CDK5RAP1: variants seen among roughly 807,000 people sequenced by gnomAD.
CDK5RAP1 encodes the protein mitochondrial tRNA methylthiotransferase CDK5RAP1.
In CDK5RAP1, 62 loss-of-function variants were observed where a neutral mutation model predicts 64.5. The observed-to-expected ratio is 0.96, with a 90% CI of 0.78 to 1.19. The LOEUF (loss-of-function observed/expected upper bound fraction) is 1.19. CDK5RAP1 is among the 50% of genes most tolerant of loss of function. CDK5RAP1 has a pLI of 0.00. For missense variants in CDK5RAP1, 657 were observed against 735.0 expected (o/e 0.89, Z 1.23); for synonymous variants, 250 against 261.9 (o/e 0.95, Z 0.44).
chr20:33,360,772 C>A (rs1228425983), intron 12 of CDK5RAP1, among the ~76,000 whole-genome samples: 1 of 152,254 alleles, frequency 6.6e-6, no homozygotes, highest in African/African-American at 2.4e-5. Flanking sequence ...GGACCTCCAA[C>A]AGGCCTAAAG....
rs528127110 is a variant in CDK5RAP1 at position 33,367,003 on chromosome 20, T to C, written c.1398A>G (p.Thr466=). ...FLFAYSMRQK[T]RAYHRLKDDV... is the part of the protein sequence containing the mutation. ...CATCCTTCAGCCTATGATATGCCCG[T>C]GTCTTCTATTAAAAAAAAAAAAAAG... is the stretch of plus-strand genomic sequence containing the variant. The change falls in exon 12 of 14, where the codon ACA becomes ACG. Residue 466 remains threonine, a synonymous_variant. Transcript: ENST00000346416. 4 of 1,594,408 alleles carry C rather than the reference T, an allele frequency of 2.5e-6. No homozygotes were observed. In the South Asian group the frequency reaches 3.4e-5, roughly 14 times the overall value.
In CDK5RAP1 at chr20:33,366,858, C is replaced by T. The variant is rs775988658; in HGVS notation, c.1542+1G>A. 1.2e-6 allele frequency: 2 copies of T among 1,611,796 alleles called. No individual in the cohort carries two copies. The highest frequency in any genetic ancestry group is 2.2e-5 in the South Asian group (2 of 90,556). On this transcript the variant is annotated splice_donor_variant, in intron 12 of 13. Transcript: ENST00000346416. LOFTEE classifies it high-confidence loss of function. ...CATAACACACACACATATGGCCTCACCCCTTCCACTAGCACCAACTGGGTA... is the reference window on the plus strand; with the variant it reads ...CATAACACACACACATATGGCCTCATCCCTTCCACTAGCACCAACTGGGTA...
At chr20:33,368,637 C>A (rs141138451) in intron 11 of CDK5RAP1, among the ~76,000 whole-genome samples, 164 of 152,026 alleles carry the variant, frequency 1.1e-3, no homozygotes, top group African/African-American at 3.7e-3. Context: ...CTTTGGGAGG[C>A]CAAGGTGGTG....
rs1469343661 is a variant in CDK5RAP1, at chr20:33,392,135, C to T, written c.544+7G>A. 6.4e-7 allele frequency: 1 copy of T among 1,570,230 alleles called. No individual in the cohort carries two copies. ...AAAGCTGACAAAATGTGCAAATTAC[C>T]AGATACCTAGAATTCCAATCCTCAG... On this transcript the variant is annotated splice_region_variant and intron_variant, in intron 5 of 13. Coordinates refer to ENST00000346416, the MANE Select transcript of CDK5RAP1 (RefSeq NM_016408.4).
At chr20:33,377,196 C>T (rs943636494) in intron 8 of CDK5RAP1, among the ~76,000 whole-genome samples, 3 of 152,206 alleles carry the variant, frequency 2.0e-5, no homozygotes, top group Admixed American at 2.0e-4. Context: ...AAACAAGAGA[C>T]AGAGTCAGCC....
intron 1 of CDK5RAP1, among the ~76,000 whole-genome samples, chr20:33,401,158 C>T (rs1274783849): frequency 1.3e-5 from 2 of 152,190 alleles, no homozygotes; most frequent in Non-Finnish European, 2.9e-5. Flanking sequence ...TCATAGCAAC[C>T]CTGTGAGGCA....
At chr20:33,370,002 A>C (rs1315049220) in intron 11 of CDK5RAP1, among the ~76,000 whole-genome samples, 1 of 152,086 alleles carries the variant, frequency 6.6e-6, no homozygotes, top group Non-Finnish European at 1.5e-5. Context: ...AAAGTGCACT[A>C]ATCTCTCCTT....
At chr20:33,359,814 G>A (rs991197898) in intron 13 of CDK5RAP1, 1 of 156,482 alleles carries the variant, frequency 6.4e-6, no homozygotes, top group African/African-American at 2.4e-5. Context: ...TGGGCAGTGT[G>A]AGAAGAGAAG....
rs563845080 is a variant in CDK5RAP1 at position 33,363,877 on chromosome 20, A to G, written c.1542+2982T>C. 2.6e-5 allele frequency among the ~76,000 whole-genome samples: 4 copies of G among 152,286 alleles called. No homozygotes were observed. The South Asian group carries it at 8.3e-4, about 32-fold the overall frequency. ...TTACACCACCACACTCCAGCCAGGG[A>G]GACAGAACGAGAGACTTTGTCTCAA... is the stretch of plus-strand genomic sequence containing the variant. On this transcript the variant is annotated intron_variant, in intron 12 of 13. Coordinates refer to ENST00000346416, the MANE Select transcript of CDK5RAP1 (RefSeq NM_016408.4).
In CDK5RAP1 at chr20:33,370,490, A is replaced by G. The variant is rs1311620716; in HGVS notation, c.1392+9T>C. 1.2e-6 allele frequency: 2 copies of G among 1,613,788 alleles called. No homozygotes were observed. Among genetic ancestry groups the G allele is most frequent in the Admixed American group, 3.3e-5 (2 of 59,982 alleles). The stretch of plus-strand genomic sequence containing the variant: ...AATGATGTCAGTCCTCCCCAACCCC[A>G]GGGCTCACCTGTCTCATGCTGTAGG... On this transcript the variant is annotated intron_variant, in intron 11 of 13. Transcript: ENST00000346416.
Position 33,397,259 on chromosome 20 carries a change from G to T in CDK5RAP1, c.-20-175C>A, listed in dbSNP as rs888334706. On this transcript the variant is annotated intron_variant, in intron 1 of 13. Coordinates refer to ENST00000346416, the MANE Select transcript of CDK5RAP1 (RefSeq NM_016408.4). ...AAAAAAACTGAGGCAACTTGCCCAA[G>T]ACCACACAAAGGAGTGCCAGAGATG... is the stretch of plus-strand genomic sequence containing the variant. 2.6e-5 allele frequency among the ~76,000 whole-genome samples: 4 copies of T among 152,154 alleles called. No homozygotes were observed. The East Asian group carries it at 7.7e-4, about 29-fold the overall frequency.
At chr20:33,374,045 C>T in intron 9 of CDK5RAP1, 70 bp downstream of exon 9, 1 of 1,064,784 alleles carries the variant, frequency 9.4e-7, no homozygotes, top group Admixed American at 1.7e-5. Flanking sequence ...TTCTTGGCAA[C>T]AAGGACACTG....
In CDK5RAP1 at chr20:33,397,009, A is replaced by G. The variant is rs1369418235; in HGVS notation, c.56T>C (p.Leu19Ser). ...QVQRSLGWGP[L>S]ASVSWLSLRM... ...CAGCGACAGCCAAGACACAGAGGCCAATGGTCCCCACCCCAGAGACCTCTG... is the reference window on the plus strand; with the variant it reads ...CAGCGACAGCCAAGACACAGAGGCCGATGGTCCCCACCCCAGAGACCTCTG... Residue 19 changes from leucine (L) to serine (S), a missense_variant, in exon 2 of 14, where the codon TTG becomes TCG. Transcript: ENST00000346416. 6.2e-7 allele frequency: 1 copy of G among 1,614,048 alleles called. No homozygotes were observed. Among genetic ancestry groups the G allele is most frequent in the East Asian group, 2.2e-5 (1 of 44,906 alleles).
Position 33,359,146 on chromosome 20 carries a change from A to G in CDK5RAP1, c.1684-23T>C, listed in dbSNP as rs1366249827. On this transcript the variant is annotated intron_variant, in intron 13 of 13. Transcript: ENST00000346416. Reference sequence around the variant, plus strand: ...GATCTGAAAGAAAACCAGGCAGAAGAAGGCAAAATAACTAGGACTGTAGCA... The same window carrying G: ...GATCTGAAAGAAAACCAGGCAGAAGGAGGCAAAATAACTAGGACTGTAGCA... The G allele has an allele frequency of 7.7e-6, 12 of 1,556,100 alleles. No individual in the cohort carries two copies. In the Admixed American group the frequency reaches 1.8e-4, roughly 24 times the overall value.
At chr20:33,382,586 C>T (rs1986893810) in intron 7 of CDK5RAP1, among the ~76,000 whole-genome samples, 1 of 152,172 alleles carries the variant, frequency 6.6e-6, no homozygotes, top group African/African-American at 2.4e-5. Context: ...GAGGCTGAAG[C>T]AGGAGAATCA....
At chr20:33,370,780 C>A in intron 10 of CDK5RAP1, 151 bp from the exon 11 acceptor site, 1 of 688,484 alleles carries the variant, frequency 1.5e-6, no homozygotes, top group Non-Finnish European at 2.4e-6. Flanking sequence ...CAGAGTAAGG[C>A]GGGATAGGCC....
At chr20:33,397,156 A>G in intron 1 of CDK5RAP1, 72 bp from the exon 2 acceptor site, 1 of 1,113,252 alleles carries the variant, frequency 9.0e-7, no homozygotes, top group Non-Finnish European at 1.3e-6. Context: ...GAGCACTTCA[A>G]GTGTATACAT....
At chr20:33,400,867 A>G (rs924090195) in intron 1 of CDK5RAP1, among the ~76,000 whole-genome samples, 1 of 152,158 alleles carries the variant, frequency 6.6e-6, no homozygotes, top group African/African-American at 2.4e-5. Context: ...CACTGCTGCC[A>G]AGCCAGCTAA....
At chr20:33,372,447 C>G (rs1170985256) in intron 10 of CDK5RAP1, among the ~76,000 whole-genome samples, 195 bp downstream of exon 10, 3 of 152,074 alleles carry the variant, frequency 2.0e-5, no homozygotes. Context: ...CTAAGTACTT[C>G]CAGCAGGACT....
Sources: allele counts gnomAD v4.1 joint callset (sites outside exome capture counted in the v4.1 genomes callset), GRCh38; gene constraint gnomAD v4.1.1; transcripts MANE v1.5; gene names NCBI Gene and HGNC (gene_info 2026-07-23, HGNC 2026-07-21).